The following PTCD1 variants were observed in gnomAD, a reference collection of about 807,000 sequenced individuals.
The protein encoded by PTCD1 is pentatricopeptide repeat domain 1, also known as pentatricopeptide repeat-containing protein 1, mitochondrial.
In PTCD1, 50 loss-of-function variants were observed where a neutral mutation model predicts 53.4. The ratio of observed to expected loss-of-function variants is 0.94; its 90% confidence interval spans 0.75 to 1.19. PTCD1 has a LOEUF of 1.19. Ranked by LOEUF, PTCD1 falls within the 50% of genes most tolerant of loss-of-function variation. PTCD1 has a pLI of 0.00. For synonymous variants in PTCD1, 413 were observed against 394.8 expected, an observed-to-expected ratio of 1.05 and a Z score of -0.55; for missense variants, 918 against 904.8, an observed-to-expected ratio of 1.01 and a Z score of -0.19.
intron 5 of PTCD1, among the ~76,000 whole-genome samples, chr7:99,427,611 C>T (rs1335406659): frequency 1.7e-4 from 25 of 151,060 alleles, no homozygotes; most frequent in Non-Finnish European, 3.2e-4. Flanking sequence ...GTGTGCCCAG[C>T]GGCTCATTGA....
intron 3 of PTCD1, among the ~76,000 whole-genome samples, chr7:99,430,180 C>A (rs1796203306): frequency 6.6e-6 from 1 of 152,238 alleles, no homozygotes; most frequent in African/African-American, 2.4e-5. Context: ...GTTAGCACTT[C>A]CTCGCGAAAA....
rs189040754 is a variant in PTCD1, at chr7:99,419,183, C to G, written c.*784G>C. 2.9e-3 allele frequency: 1,717 copies of G among 589,768 alleles called. 12 individuals are homozygous for G. The highest frequency in any genetic ancestry group is 2.9e-3 in the Non-Finnish European group (971 of 329,524). The allele number at this position is 589,768 out of a possible 1,614,324, so 36.5% of individuals were successfully genotyped here. On this transcript the variant is annotated 3_prime_UTR_variant, in exon 8 of 8. Coordinates refer to ENST00000292478, the MANE Select transcript of PTCD1 (RefSeq NM_015545.4). ...GCAGAACATATTATAAATAGACATA[C>G]AGATGTAACCTCGGTGTCAACAGCA... is the stretch of plus-strand genomic sequence containing the variant.
At chr7:99,427,294 A>T in intron 5 of PTCD1, among the ~76,000 whole-genome samples, 1 of 88,614 alleles carries the variant, frequency 1.1e-5, no homozygotes, top group African/African-American at 4.2e-5. Context: ...CACCCCGTCC[A>T]GGAGGGAGGT....
intron 3 of PTCD1, among the ~76,000 whole-genome samples, chr7:99,431,567 C>A (rs1796251034): frequency 6.6e-6 from 1 of 152,086 alleles, no homozygotes; most frequent in Non-Finnish European, 1.5e-5. Flanking sequence ...GAAATGCTGT[C>A]TCTACTAAAA....
Position 99,417,375 on chromosome 7 carries a change from G to A in PTCD1, c.*2592C>T. 2 of 1,579,804 alleles carry A rather than the reference G, an allele frequency of 1.3e-6. No homozygotes were observed. The highest frequency in any genetic ancestry group is 1.1e-5 in the South Asian group (1 of 90,060). On this transcript the variant is annotated 3_prime_UTR_variant, in exon 8 of 8. Transcript: ENST00000292478. The stretch of plus-strand genomic sequence containing the variant: ...GCCTGAATGCTTTTTTTGATCAAGG[G>A]TGGGGAAGGTTTTTAGACCATGGCC...
In PTCD1 at chr7:99,425,171, G is replaced by A; in HGVS notation, c.1361C>T (p.Ser454Phe). 2 of 1,614,044 alleles carry A rather than the reference G, an allele frequency of 1.2e-6. No individual in the cohort carries two copies. Among genetic ancestry groups the A allele is most frequent in the African/African-American group, 1.3e-5 (1 of 75,052 alleles). ...AGCTGGGGTGGTCACCGTTCCAAAG[G>A]AGACCACTGTAGGGGGAACGGCCCC... ...TPGAVPPTVVSFGTVTTPADR... is the reference protein window; with the variant it reads ...TPGAVPPTVVFFGTVTTPADR... Residue 454 changes from serine to phenylalanine, a missense_variant, in exon 6 of 8, where the codon TCC (serine) becomes TTC (phenylalanine). Physicochemically the swap from Ser to Phe is radical, Grantham distance 155. Coordinates refer to ENST00000292478, the MANE Select transcript of PTCD1 (RefSeq NM_015545.4).
Position 99,419,552 on chromosome 7 carries a change from C to T in PTCD1, c.*415G>A, listed in dbSNP as rs1281036075. 9 of 1,269,688 alleles carry T rather than the reference C, an allele frequency of 7.1e-6. No homozygotes were observed. The highest frequency in any genetic ancestry group is 9.0e-6 in the Non-Finnish European group (8 of 886,760). 78.7% of individuals were successfully genotyped at this position (1,269,688 alleles called of 1,614,324 possible). Reference sequence around the variant, plus strand: ...CCAGGCCCGAGTTGGAGCACGGTCTCTATGGGGAAGGCTTCGCTGTCTATC... The same window carrying T: ...CCAGGCCCGAGTTGGAGCACGGTCTTTATGGGGAAGGCTTCGCTGTCTATC... On this transcript the variant is annotated 3_prime_UTR_variant, in exon 8 of 8. Transcript: ENST00000292478.
intron 3 of PTCD1, among the ~76,000 whole-genome samples, chr7:99,432,316 C>T (rs1796289907): frequency 6.6e-6 from 1 of 152,200 alleles, no homozygotes; most frequent in Non-Finnish European, 1.5e-5. Flanking sequence ...ATTGTGTGTT[C>T]TATTTACTGA....
At chr7:99,420,183 T>C (rs1462312236) in intron 7 of PTCD1, 34 bp from the exon 8 acceptor site, 3 of 1,613,402 alleles carry the variant, frequency 1.9e-6, no homozygotes, top group African/African-American at 2.7e-5. Flanking sequence ...GAATCACTCC[T>C]GTTACCTACA....
chr7:99,417,245 G>T lies in PTCD1; in HGVS notation c.*2722C>A, dbSNP rs1795541371. On this transcript the variant is annotated 3_prime_UTR_variant, in exon 8 of 8. Coordinates refer to ENST00000292478, the MANE Select transcript of PTCD1 (RefSeq NM_015545.4). ...TTTTTGTATTTTTAGTAGAGACGGGGTTTTACCATGTTGGCCGGGCTGGTC... is the reference window on the plus strand; with the variant it reads ...TTTTTGTATTTTTAGTAGAGACGGGTTTTTACCATGTTGGCCGGGCTGGTC... The T allele has an allele frequency of 1.1e-5, 6 of 552,126 alleles. No individual in the cohort carries two copies. In the Admixed American group the frequency reaches 1.9e-4, roughly 18 times the overall value. 34.2% of individuals were successfully genotyped at this position (552,126 alleles called of 1,614,324 possible). A position where few individuals can be genotyped will look rare whatever the true frequency, so the allele number is the denominator to read the frequency against.
rs1476561952 is a variant in PTCD1 at position 99,438,770 on chromosome 7, C to A, written c.-105G>T. The A allele has an allele frequency of 2.9e-6, 4 of 1,359,082 alleles. No homozygotes were observed. Among genetic ancestry groups the A allele is most frequent in the African/African-American group, 1.5e-5 (1 of 67,938 alleles). 84.2% of individuals were successfully genotyped at this position (1,359,082 alleles called of 1,614,324 possible). A position where few individuals can be genotyped will look rare whatever the true frequency, so the allele number is the denominator to read the frequency against. ...GCGAACCAGTCTCTTCCTCGGGTCC[C>A]CCTCTCCCCAAGCGCGCAGGCGCAA... On this transcript the variant is annotated 5_prime_UTR_variant, in exon 1 of 8. Coordinates refer to ENST00000292478, the MANE Select transcript of PTCD1 (RefSeq NM_015545.4).
chr7:99,425,055 G>A lies in PTCD1; in HGVS notation c.1477C>T (p.Leu493=), dbSNP rs1414861619. The change falls in exon 6 of 8, where the codon CTG becomes TTG. Residue 493 remains leucine, a synonymous_variant. Transcript: ENST00000292478. ...QQPDIRTLTL[L]AEVVESGSPA... ...CTCCCGGACTCCACCACCTCGGCCAGTAGCGTGAGGGTCCTGATGTCGGGC... is the reference window on the plus strand; with the variant it reads ...CTCCCGGACTCCACCACCTCGGCCAATAGCGTGAGGGTCCTGATGTCGGGC... 6.2e-7 allele frequency: 1 copy of A among 1,614,160 alleles called. No homozygotes were observed. The highest frequency in any genetic ancestry group is 1.7e-5 in the Admixed American group (1 of 60,026).
At position 99,420,076 on chromosome 7, in the gene PTCD1, A is replaced by G. The variant is rs760429256; in HGVS notation, c.1994T>C (p.Met665Thr). 6.2e-7 allele frequency: 1 copy of G among 1,614,096 alleles called. No homozygotes were observed. Among genetic ancestry groups the G allele is most frequent in the African/African-American group, 1.3e-5 (1 of 74,934 alleles). ...RAYYKQWLTV[M>T]PAEETPHPWQ... ...GGGGTGCGGGGTTTCCTCTGCGGGCATCACTGTCAGCCACTGCTTGTAATA... is the reference window on the plus strand; with the variant it reads ...GGGGTGCGGGGTTTCCTCTGCGGGCGTCACTGTCAGCCACTGCTTGTAATA... The change falls in exon 8 of 8, where the codon ATG becomes ACG. Residue 665 changes from methionine (M) to threonine (T), a missense_variant. Physicochemically the swap from Met to Thr is moderately conservative, Grantham distance 81 (BLOSUM62 -1). Transcript: ENST00000292478.
chr7:99,417,814 C>G lies in PTCD1; in HGVS notation c.*2153G>C. The G allele has an allele frequency of 3.3e-6, 5 of 1,500,728 alleles. No homozygotes were observed. Among genetic ancestry groups the G allele is most frequent in the Non-Finnish European group, 4.4e-6 (5 of 1,128,880 alleles). 93.0% of individuals were successfully genotyped at this position (1,500,728 alleles called of 1,614,324 possible). The stretch of plus-strand genomic sequence containing the variant: ...AGGTCTGGGGTCAATCTCAACTCCA[C>G]TTTTGGGCAAATTACTGAACCCCTT... On this transcript the variant is annotated 3_prime_UTR_variant, in exon 8 of 8. Transcript: ENST00000292478.
chr7:99,419,500 C>A lies in PTCD1; in HGVS notation c.*467G>T, dbSNP rs75129535. ...GCAGGTTCCTGCCTGTCACGCCACC[C>A]CCTTCCTGGGAGCAGCGAGCAGTGC... On this transcript the variant is annotated 3_prime_UTR_variant, in exon 8 of 8. Coordinates refer to ENST00000292478, the MANE Select transcript of PTCD1 (RefSeq NM_015545.4). 2.0e-3 allele frequency: 3,129 copies of A among 1,594,644 alleles called. 1 individual carries two copies. Among genetic ancestry groups the A allele is most frequent in the Non-Finnish European group, 2.5e-3 (2,879 of 1,169,828 alleles).
rs1032864011 is a variant in PTCD1 at position 99,420,039 on chromosome 7, G to C, written c.2031C>G (p.Phe677Leu). 6 of 1,614,084 alleles carry C rather than the reference G, an allele frequency of 3.7e-6. No individual in the cohort carries two copies. The highest frequency in any genetic ancestry group is 5.1e-6 in the Non-Finnish European group (6 of 1,180,026). Residue 677 changes from phenylalanine (F) to leucine (L), a missense_variant, in exon 8 of 8, where the codon TTC (phenylalanine) becomes TTG (leucine). Phe to Leu is a conservative substitution (Grantham distance 22, BLOSUM62 0). Coordinates refer to ENST00000292478, the MANE Select transcript of PTCD1 (RefSeq NM_015545.4). ...AEETPHPWQK[F>L]RTKPQGDQDT... ...CCTGGTCCCCCTGGGGCTTGGTCCG[G>C]AACTTCTGCCAGGGGTGCGGGGTTT...
In PTCD1 at chr7:99,438,634, C is replaced by G. The variant is rs1358314098; in HGVS notation, c.-27+58G>C. The G allele has an allele frequency of 4.1e-6, 5 of 1,217,284 alleles. No homozygotes were observed. In the East Asian group the frequency reaches 3.5e-4, roughly 84 times the overall value. The allele number at this position is 1,217,284 out of a possible 1,614,324, so 75.4% of individuals were successfully genotyped here. ...ATCCCGGCTCGGGCACTTCCTTCCC[C>G]TCTGGCGTGTCTTGGCCCGGGTCCC... On this transcript the variant is annotated intron_variant, in intron 1 of 7. Transcript: ENST00000292478.
At chr7:99,435,357 G>T in intron 1 of PTCD1, 89 bp from the exon 2 acceptor site, 1 of 1,513,226 alleles carries the variant, frequency 6.6e-7, no homozygotes, top group Non-Finnish European at 8.9e-7. Context: ...TATGGGCCCA[G>T]GCCAGGCGCG....
chr7:99,436,238 C>T (rs1796461814), intron 1 of PTCD1, among the ~76,000 whole-genome samples: 1 of 152,152 alleles, frequency 6.6e-6, no homozygotes, highest in Non-Finnish European at 1.5e-5. Flanking sequence ...CCACCATGCC[C>T]AGCCTAAAGT....
Sources: gnomAD v4.1 joint callset for allele counts (sites outside exome capture counted in the v4.1 genomes callset) on GRCh38, gnomAD v4.1.1 for gene constraint, MANE v1.5 for transcripts, NCBI Gene and HGNC (gene_info 2026-07-23, HGNC 2026-07-21) for gene names.